The following COL4A4 variants were observed in gnomAD, a reference collection of about 807,000 sequenced individuals.
COL4A4 encodes collagen alpha-4(IV) chain.
A neutral mutation model predicts 192.9 loss-of-function variants in COL4A4; 105 were observed. The ratio of observed to expected loss-of-function variants is 0.54; its 90% CI spans 0.46 to 0.64. COL4A4 has a LOEUF of 0.64. COL4A4 is among the 30% of genes least tolerant of loss of function. COL4A4 has a pLI of 0.00. For missense variants in COL4A4, 1,967 were observed against 2,169.3 expected (o/e 0.91, Z 1.85); for synonymous variants, 762 against 769.9 (o/e 0.99, Z 0.17).
intron 4 of COL4A4, among the ~76,000 whole-genome samples, chr2:227,125,048 T>C (rs917945637): frequency 2.0e-5 from 3 of 152,170 alleles, no homozygotes; most frequent in Admixed American, 2.0e-4. Context: ...ATGTGTTTCA[T>C]TTTAGGCATG....
At chr2:227,152,786 A>G (rs1240776826) in intron 1 of COL4A4, among the ~76,000 whole-genome samples, 1 of 152,244 alleles carries the variant, frequency 6.6e-6, no homozygotes, top group Non-Finnish European at 1.5e-5. Context: ...CCCATCACTC[A>G]GAAGAGCATT....
chr2:226,989,678 C>G, the COL4A4 span, among the ~76,000 whole-genome samples: 1 of 152,158 alleles, frequency 6.6e-6, no homozygotes, highest in Admixed American at 6.5e-5. Context: ...AAACACTGAC[C>G]TGACATAGTG....
intron 1 of COL4A4, among the ~76,000 whole-genome samples, chr2:227,150,585 G>C (rs1484198306): frequency 6.6e-6 from 1 of 152,080 alleles, no homozygotes; most frequent in Non-Finnish European, 1.5e-5. Context: ...CCTGAGACTG[G>C]GTAATTTATA....
chr2:227,060,350 T>C lies in COL4A4; in HGVS notation c.2057-107A>G, dbSNP rs79267822. On this transcript the variant is annotated intron_variant, in intron 26 of 47. Transcript: ENST00000396625. The stretch of plus-strand genomic sequence containing the variant: ...ATGTTAAGTCCTTTTAGAATATTTC[T>C]ACTTTATGGAAGTAAGGATGTTGCC... The C allele has an allele frequency of 1.4e-3, 1,119 of 783,820 alleles. 10 individuals are homozygous for C. Among genetic ancestry groups the C allele is most frequent in the African/African-American group, 0.014 (816 of 57,492 alleles). 48.6% of individuals were successfully genotyped at this position (783,820 alleles called of 1,614,324 possible). A position where few individuals can be genotyped will look rare whatever the true frequency, so the allele number is the denominator to read the frequency against.
At chr2:227,132,473 C>T (rs539687520) in intron 4 of COL4A4, among the ~76,000 whole-genome samples, 1 of 152,008 alleles carries the variant, frequency 6.6e-6, no homozygotes, top group South Asian at 2.1e-4. Context: ...TTATTCGTTG[C>T]CATTAAGATT....
chr2:227,033,906 TC>T (rs5839187), intron 37 of COL4A4, among the ~76,000 whole-genome samples: 106,049 of 152,030 alleles, frequency 0.7, 37,764 homozygotes, highest in African/African-American at 0.84. Flanking sequence ...GGCTGCAGGC[TC>T]CTGGTTTCTT....
At chr2:227,100,826 A>G (rs1265139123) in intron 17 of COL4A4, among the ~76,000 whole-genome samples, 1 of 145,722 alleles carries the variant, frequency 6.9e-6, no homozygotes, top group Non-Finnish European at 1.5e-5. Context: ...TTTTTTTGAG[A>G]TGGAGTCTCA....
At chr2:227,014,395 A>G (rs1017728351) in intron 44 of COL4A4, among the ~76,000 whole-genome samples, 4 of 152,216 alleles carry the variant, frequency 2.6e-5, no homozygotes, top group African/African-American at 9.6e-5. Flanking sequence ...AGTGCTCTAG[A>G]TGATTTAACT....
At chr2:227,104,834 T>G (rs1181201145) in intron 12 of COL4A4, among the ~76,000 whole-genome samples, 4 of 150,618 alleles carry the variant, frequency 2.7e-5, no homozygotes, top group Non-Finnish European at 5.9e-5. Context: ...GAGACGGGGG[T>G]TTCTCCATGT....
chr2:226,984,347 G>A, the COL4A4 span, among the ~76,000 whole-genome samples: 175 of 152,330 alleles, frequency 1.1e-3, no homozygotes, highest in Middle Eastern at 3.4e-3. Context: ...GGTTATAGTG[G>A]GGTCCCTCTT....
intron 1 of COL4A4, among the ~76,000 whole-genome samples, chr2:227,162,815 C>T (rs1317377305): frequency 6.6e-6 from 1 of 152,158 alleles, no homozygotes. Flanking sequence ...TTGTTTTATC[C>T]TCCCAAAGAT....
rs967814045 is a variant in COL4A4 at position 227,005,772 on chromosome 2, T to G, written c.*1553A>C. ...TTTTAAGTGCACGGAAACAAAGCAC[T>G]AAAATGAGTGTCACGCTCATGAGAA... On this transcript the variant is annotated 3_prime_UTR_variant, in exon 48 of 48. Coordinates refer to ENST00000396625, the MANE Select transcript of COL4A4 (RefSeq NM_000092.5). The G allele has an allele frequency of 2.6e-5, 4 of 152,208 alleles. No individual in the cohort carries two copies. The highest frequency in any genetic ancestry group is 5.9e-5 in the Non-Finnish European group (4 of 68,032). The allele number at this position is 152,208 out of a possible 1,614,324, so 9.4% of individuals were successfully genotyped here.
chr2:227,153,289 A>C (rs1292386062), intron 1 of COL4A4, among the ~76,000 whole-genome samples: 1 of 152,204 alleles, frequency 6.6e-6, no homozygotes, highest in African/African-American at 2.4e-5. Flanking sequence ...AACAAGCCAA[A>C]GTGTTATAGC....
intron 37 of COL4A4, among the ~76,000 whole-genome samples, chr2:227,034,010 A>T (rs564321572): frequency 6.6e-6 from 1 of 152,228 alleles, no homozygotes; most frequent in Non-Finnish European, 1.5e-5. Flanking sequence ...TCAGGCCTGC[A>T]TGGCGAGTGT....
At chr2:227,153,285 C>A (rs1424842771) in intron 1 of COL4A4, among the ~76,000 whole-genome samples, 3 of 152,066 alleles carry the variant, frequency 2.0e-5, no homozygotes, top group Non-Finnish European at 4.4e-5. Flanking sequence ...CAGCAACAAG[C>A]CAAAGTGTTA....
intron 1 of COL4A4, among the ~76,000 whole-genome samples, chr2:227,148,962 C>A (rs374214589): frequency 1.3e-5 from 2 of 151,914 alleles, no homozygotes; most frequent in Non-Finnish European, 2.9e-5. Flanking sequence ...CTGCCTCAGC[C>A]TCCTGAGTAG....
At chr2:227,162,430 T>C (rs2064913253) in intron 1 of COL4A4, among the ~76,000 whole-genome samples, 1 of 152,212 alleles carries the variant, frequency 6.6e-6, no homozygotes, top group South Asian at 2.1e-4. Flanking sequence ...TTGTGAAACA[T>C]AATCATGTGA....
chr2:227,161,085 C>T (rs1455898734), intron 1 of COL4A4, among the ~76,000 whole-genome samples: 1 of 152,182 alleles, frequency 6.6e-6, no homozygotes, highest in African/African-American at 2.4e-5. Context: ...AGATCATGAA[C>T]TTAGGAAGAA....
chr2:227,055,505 T>A (rs549741144), intron 30 of COL4A4, among the ~76,000 whole-genome samples: 13 of 151,186 alleles, frequency 8.6e-5, no homozygotes, highest in African/African-American at 1.2e-4. Context: ...CTAAAAAAAA[T>A]AATAATAATA....
Sources: gnomAD v4.1 joint callset for allele counts (sites outside exome capture counted in the v4.1 genomes callset) on GRCh38, gnomAD v4.1.1 for gene constraint, MANE v1.5 for transcripts, NCBI Gene and HGNC (gene_info 2026-07-23, HGNC 2026-07-21) for gene names.